The following TSGA13 variants were observed in gnomAD, a reference collection of about 807,000 sequenced individuals.
The protein encoded by TSGA13 is testis specific 13, also known as testis-specific gene 13 protein.
A neutral mutation model predicts 35.1 loss-of-function variants in TSGA13; 37 were observed. The ratio of observed to expected loss-of-function variants is 1.05; its 90% CI spans 0.81 to 1.39. The LOEUF is 1.39. TSGA13 is among the 40% of genes most tolerant of loss of function. TSGA13 has a pLI of 0.00. For synonymous variants in TSGA13, 124 were observed against 121.2 expected, an observed-to-expected ratio of 1.02 and a Z score of -0.15; for missense variants, 338 against 328.5, an observed-to-expected ratio of 1.03 and a Z score of -0.22.
At position 130,686,298 on chromosome 7, in the gene TSGA13, A is replaced by G. The variant is rs1796657136; in HGVS notation, c.-187T>C. On this transcript the variant is annotated 5_prime_UTR_variant, in exon 1 of 8. Transcript: ENST00000356588. Reference sequence around the variant, plus strand: ...CTGGAATTGTAAGTCCAATTCATGTATATGGTGAAACTAAAATAAAAATGA... The same window carrying G: ...CTGGAATTGTAAGTCCAATTCATGTGTATGGTGAAACTAAAATAAAAATGA... 1 of 152,204 alleles carries G rather than the reference A, an allele frequency of 6.6e-6. No homozygotes were observed. Among genetic ancestry groups the G allele is most frequent in the African/African-American group, 2.4e-5 (1 of 41,454 alleles). 9.4% of individuals were successfully genotyped at this position (152,204 alleles called of 1,614,324 possible). A position where few individuals can be genotyped will look rare whatever the true frequency, so the allele number is the denominator to read the frequency against.
intron 5 of TSGA13, among the ~76,000 whole-genome samples, chr7:130,674,532 T>C (rs1554463855): frequency 6.6e-6 from 1 of 152,180 alleles, no homozygotes; most frequent in African/African-American, 2.4e-5. Flanking sequence ...CATCTCCTTA[T>C]CCTGCTTTGT....
chr7:130,681,780 T>A (rs1467825704), intron 3 of TSGA13, among the ~76,000 whole-genome samples: 1 of 152,186 alleles, frequency 6.6e-6, no homozygotes, highest in East Asian at 1.9e-4. Flanking sequence ...TTGCTTCTCC[T>A]CTTGCATAGC....
chr7:130,679,269 G>A lies in TSGA13; in HGVS notation c.273C>T (p.Asp91=). 6.2e-7 allele frequency: 1 copy of A among 1,614,140 alleles called. No homozygotes were observed. Among genetic ancestry groups the A allele is most frequent in the Non-Finnish European group, 8.5e-7 (1 of 1,180,016 alleles). The part of the protein sequence containing the change: ...TSFMLKVTQY[D]QDKTLLIMTN... ...TCATAATCAGTAACGTCTTATCCTG[G>A]TCATACTGTGTTACTTTTAACATGA... Residue 91 remains aspartate, a synonymous_variant, in exon 5 of 8, where the codon GAC becomes GAT. Transcript: ENST00000356588.
chr7:130,672,975 A>G, intron 5 of TSGA13, 99 bp from the exon 6 acceptor site: 1 of 1,342,894 alleles, frequency 7.4e-7, no homozygotes, highest in Non-Finnish European at 9.9e-7. Context: ...ATTCCCCTAC[A>G]ATCATGCAAC....
At chr7:130,682,156 G>A (rs1796562584) in intron 3 of TSGA13, among the ~76,000 whole-genome samples, 3 of 151,752 alleles carry the variant, frequency 2.0e-5, no homozygotes, top group Admixed American at 1.3e-4. Flanking sequence ...GTCTCGCTCT[G>A]TTGCCCAGGC....
chr7:130,673,667 G>A (rs1299366338), intron 5 of TSGA13, among the ~76,000 whole-genome samples: 1 of 152,034 alleles, frequency 6.6e-6, no homozygotes, highest in African/African-American at 2.4e-5. Context: ...ATGGCATTGG[G>A]TTCCTTTTTC....
rs1554465568 is a variant in TSGA13 at position 130,685,175 on chromosome 7, CAA to C, written c.23+11_23+12del. ...GGTGTTTATAACTTAGTTGGGCAAA[CAA>C]GACTACATACTTGGTTTGTCTCTTT... On this transcript the variant is annotated intron_variant, in intron 2 of 7. Transcript: ENST00000356588. The C allele has an allele frequency of 6.2e-7, 1 of 1,612,238 alleles. No homozygotes were observed.
intron 5 of TSGA13, 79 bp downstream of exon 5, chr7:130,679,076 G>T (rs1796476564): frequency 1.2e-5 from 14 of 1,179,832 alleles, no homozygotes; most frequent in Non-Finnish European, 1.4e-5. Context: ...TATTCTCCAT[G>T]TTAAGTTAAC....
chr7:130,679,197 A>G lies in TSGA13; in HGVS notation c.345T>C (p.Ser115=). 1 of 1,613,614 alleles carries G rather than the reference A, an allele frequency of 6.2e-7. No homozygotes were observed. The highest frequency in any genetic ancestry group is 1.1e-5 in the South Asian group (1 of 91,054). ...PCSITQQDKE[S]ASKYFSKELL... ...ACTCCTTGGAAAAATATTTTGATGC[A>G]CTCTCCTTGTCTTGCTGGGTGATTG... is the stretch of plus-strand genomic sequence containing the variant. Residue 115 remains serine (S), a synonymous_variant, in exon 5 of 8, where the codon AGT becomes AGC. Transcript: ENST00000356588.
intron 3 of TSGA13, 124 bp downstream of exon 3, chr7:130,683,470 T>G (rs1427086438): frequency 1.3e-6 from 1 of 788,740 alleles, no homozygotes; most frequent in Non-Finnish European, 2.0e-6. Flanking sequence ...TTAACCTTGT[T>G]TTCCATATAC....
At chr7:130,674,010 G>A (rs1195927584) in intron 5 of TSGA13, among the ~76,000 whole-genome samples, 2 of 151,526 alleles carry the variant, frequency 1.3e-5, no homozygotes, top group Non-Finnish European at 2.9e-5. Context: ...CAGGAGAATC[G>A]CTTGAACCCA....
intron 3 of TSGA13, among the ~76,000 whole-genome samples, chr7:130,681,712 A>G (rs1554465114): frequency 2.0e-5 from 3 of 151,906 alleles, no homozygotes; most frequent in African/African-American, 7.3e-5. Flanking sequence ...TTTGAGTGTC[A>G]TATCTGATAG....
chr7:130,670,736 C>CA (rs1434333804), intron 7 of TSGA13, among the ~76,000 whole-genome samples: 1 of 152,116 alleles, frequency 6.6e-6, no homozygotes, highest in Non-Finnish European at 1.5e-5. Context: ...CCTCCTTCCT[C>CA]AAGCCCCCCA....
At chr7:130,669,944 A>C (rs1584628247) in intron 7 of TSGA13, among the ~76,000 whole-genome samples, 1 of 152,194 alleles carries the variant, frequency 6.6e-6, no homozygotes, top group Non-Finnish European at 1.5e-5. Flanking sequence ...TCCTTGGCCC[A>C]AGGGTATTGG....
chr7:130,676,704 G>A (rs1796417523), intron 5 of TSGA13, among the ~76,000 whole-genome samples: 1 of 152,064 alleles, frequency 6.6e-6, no homozygotes, highest in Non-Finnish European at 1.5e-5. Context: ...CATCCATCTA[G>A]GAACTATGGA....
At chr7:130,672,999 G>T in intron 5 of TSGA13, 123 bp from the exon 6 acceptor site, 1 of 1,124,200 alleles carries the variant, frequency 8.9e-7, no homozygotes, top group Non-Finnish European at 1.2e-6. Flanking sequence ...ACCTGTCAGA[G>T]GGGGAAGTGG....
Position 130,671,849 on chromosome 7 carries a change from CACTTT to C in TSGA13, c.531-66_531-62del, listed in dbSNP as rs1554463086. 1.4e-5 allele frequency: 15 copies of C among 1,084,930 alleles called. No homozygotes were observed. The South Asian group carries it at 2.3e-4, about 16-fold the overall frequency. The allele number at this position is 1,084,930 out of a possible 1,614,324, so 67.2% of individuals were successfully genotyped here. A position where few individuals can be genotyped will look rare whatever the true frequency, so the allele number is the denominator to read the frequency against. On this transcript the variant is annotated intron_variant, in intron 6 of 7. Transcript: ENST00000356588. ...GGGCAGGGGGATTCATGGAACTATTCACTTTATTTTATTTTATTTTATTTTATTTT... is the reference window on the plus strand; with the variant it reads ...GGGCAGGGGGATTCATGGAACTATTCATTTTATTTTATTTTATTTTATTTT...
intron 2 of TSGA13, among the ~76,000 whole-genome samples, chr7:130,684,400 TA>T (rs542055473): frequency 2.8e-4 from 42 of 152,336 alleles, no homozygotes; most frequent in Admixed American, 2.4e-3. Flanking sequence ...GAACATAATG[TA>T]AAATGCTCCT....
Position 130,685,284 on chromosome 7 carries a change from A to G in TSGA13, c.-74T>C, listed in dbSNP as rs1280939083. 6.2e-7 allele frequency: 1 copy of G among 1,601,716 alleles called. No individual in the cohort carries two copies. The highest frequency in any genetic ancestry group is 8.5e-7 in the Non-Finnish European group (1 of 1,169,658). On this transcript the variant is annotated 5_prime_UTR_variant, in exon 2 of 8. Transcript: ENST00000356588. ...CCAAATTCAGGTCTCTAAATAGTCCACGTTCTGCAGGGGTTCAATTCAATC... is the reference window on the plus strand; with the variant it reads ...CCAAATTCAGGTCTCTAAATAGTCCGCGTTCTGCAGGGGTTCAATTCAATC...
Sources: gnomAD v4.1 joint callset for allele counts (sites outside exome capture counted in the v4.1 genomes callset) on GRCh38, gnomAD v4.1.1 for gene constraint, MANE v1.5 for transcripts, NCBI Gene and HGNC (gene_info 2026-07-23, HGNC 2026-07-21) for gene names.